Variants in CLIC5 observed in about 807,000 individuals in gnomAD.
CLIC5 encodes CLIC family member 5, also known as chloride intracellular channel protein 5.
Under a neutral mutation model 24.7 loss-of-function variants are expected in CLIC5, and 20 were observed. The ratio of observed to expected loss-of-function variants is 0.81; its 90% CI spans 0.57 to 1.18. The LOEUF is 1.18. CLIC5 is among the 50% of genes most tolerant of loss of function. CLIC5 has a pLI of 0.00. For synonymous variants in CLIC5, 159 were observed against 135.6 expected, an observed-to-expected ratio of 1.17 and a Z score of -1.20; for missense variants, 341 against 326.1, an observed-to-expected ratio of 1.05 and a Z score of -0.35.
At chr6:46,103,522 A>T in the CLIC5 span, among the ~76,000 whole-genome samples, 1 of 152,146 alleles carries the variant, frequency 6.6e-6, no homozygotes, top group Non-Finnish European at 1.5e-5. Context: ...TATTTATATA[A>T]CAAGACCACC....
At chr6:45,934,952 G>T (rs74411183) in intron 4 of CLIC5, among the ~76,000 whole-genome samples, 3,195 of 152,252 alleles carry the variant, frequency 0.021, 123 homozygotes, top group African/African-American at 0.073. Flanking sequence ...ATATGCGATG[G>T]GGACAGAACA....
chr6:46,044,505 G>C (rs1237643202), intron 1 of CLIC5, among the ~76,000 whole-genome samples: 2 of 152,170 alleles, frequency 1.3e-5, no homozygotes, highest in Non-Finnish European at 2.9e-5. Context: ...CTGTGGATTT[G>C]AGTTATTTGC....
At chr6:45,962,550 C>A (rs2127395048) in intron 1 of CLIC5, among the ~76,000 whole-genome samples, 1 of 150,638 alleles carries the variant, frequency 6.6e-6, no homozygotes, top group Non-Finnish European at 1.5e-5. Flanking sequence ...TATCTGGGCA[C>A]TATGGCCCAG....
chr6:45,998,877 G>T (rs1252240206), intron 1 of CLIC5, among the ~76,000 whole-genome samples: 1 of 152,186 alleles, frequency 6.6e-6, no homozygotes, highest in African/African-American at 2.4e-5. Context: ...TAGAACACAG[G>T]TATGTCCATT....
chr6:46,080,110 C>A, exon 1 of CLIC5: 1 of 1,551,712 alleles, frequency 6.4e-7, no homozygotes, highest in South Asian at 1.2e-5. Context: ...GCATATAAAT[C>A]ATTTTCTGGC....
chr6:46,049,241 G>A (rs1194283592), intron 1 of CLIC5, among the ~76,000 whole-genome samples: 1 of 152,264 alleles, frequency 6.6e-6, no homozygotes, highest in Non-Finnish European at 1.5e-5. Context: ...CAGGGAAGAT[G>A]AATAGGTTTC....
At chr6:46,126,834 T>C in the CLIC5 span, among the ~76,000 whole-genome samples, 1 of 152,212 alleles carries the variant, frequency 6.6e-6, no homozygotes, top group Non-Finnish European at 1.5e-5. Flanking sequence ...ACCTTCTTCC[T>C]GTAACTTCTA....
chr6:45,914,939 A>G (rs139336598), intron 4 of CLIC5, among the ~76,000 whole-genome samples: 1,861 of 151,730 alleles, frequency 0.012, 49 homozygotes, highest in African/African-American at 0.042. Context: ...TTGTTTGTTT[A>G]TTTATTTTTG....
intron 5 of CLIC5, among the ~76,000 whole-genome samples, chr6:45,907,051 A>G (rs1223513567): frequency 6.6e-6 from 1 of 152,126 alleles, no homozygotes; most frequent in African/African-American, 2.4e-5. Context: ...AAGGACTTCC[A>G]CTACTACATT....
At chr6:46,007,054 T>C (rs1766612977) in intron 1 of CLIC5, among the ~76,000 whole-genome samples, 1 of 152,184 alleles carries the variant, frequency 6.6e-6, no homozygotes. Flanking sequence ...CTCCGTCACC[T>C]GTAGCTCTGA....
At chr6:45,927,729 A>G (rs1263993550) in intron 4 of CLIC5, among the ~76,000 whole-genome samples, 3 of 152,114 alleles carry the variant, frequency 2.0e-5, no homozygotes, top group Non-Finnish European at 4.4e-5. Context: ...CCCTTGTCAC[A>G]TCTCTAAAAG....
downstream of CLIC5, chr6:45,898,326 T>C (rs2127287973): frequency 6.6e-6 from 1 of 152,142 alleles, no homozygotes; most frequent in East Asian, 1.9e-4. Flanking sequence ...TTAAAAAGAA[T>C]GAACATTTTC....
At chr6:45,891,852 A>C (rs1762351090) in intron 6 of CLIC5, among the ~76,000 whole-genome samples, 1 of 152,170 alleles carries the variant, frequency 6.6e-6, no homozygotes, top group African/African-American at 2.4e-5. Context: ...TTTTTGAATT[A>C]AAAAATATAA....
chr6:46,127,163 G>A, the CLIC5 span, among the ~76,000 whole-genome samples: 8 of 152,222 alleles, frequency 5.3e-5, no homozygotes, highest in African/African-American at 1.9e-4. Context: ...TGCATTGAAC[G>A]TGTAACAATC....
At chr6:45,948,349 C>G (rs1054031232) in intron 3 of CLIC5, among the ~76,000 whole-genome samples, 4 of 152,172 alleles carry the variant, frequency 2.6e-5, no homozygotes, top group Non-Finnish European at 5.9e-5. Flanking sequence ...TGGACAGTCA[C>G]CAATGGCTCC....
chr6:45,918,833 G>T (rs1763136168), intron 4 of CLIC5: 1 of 451,864 alleles, frequency 2.2e-6, no homozygotes. Flanking sequence ...GTGAGCTAGG[G>T]ATGTTTATGC....
the CLIC5 span, among the ~76,000 whole-genome samples, chr6:46,104,094 T>C: frequency 6.6e-6 from 1 of 152,184 alleles, no homozygotes; most frequent in African/African-American, 2.4e-5. Flanking sequence ...TTCCTATGCC[T>C]TTGTTTTTCT....
At chr6:45,993,078 A>G (rs531909426) in intron 1 of CLIC5, among the ~76,000 whole-genome samples, 1 of 152,212 alleles carries the variant, frequency 6.6e-6, no homozygotes, top group African/African-American at 2.4e-5. Flanking sequence ...CTTGTAGGAA[A>G]CAGATGCTAG....
At chr6:46,029,261 C>T (rs971341617) in intron 1 of CLIC5, among the ~76,000 whole-genome samples, 2 of 152,192 alleles carry the variant, frequency 1.3e-5, no homozygotes, top group Non-Finnish European at 1.5e-5. Context: ...GTTCACTTAA[C>T]GGCTGTTTAC....
Sources: allele counts gnomAD v4.1 joint callset (sites outside exome capture counted in the v4.1 genomes callset), GRCh38; gene constraint gnomAD v4.1.1; transcripts MANE v1.5; gene names NCBI Gene and HGNC (gene_info 2026-07-23, HGNC 2026-07-21).